Variants in CHST3 observed in about 807,000 individuals in gnomAD.
CHST3 encodes C6ST-1.
In CHST3, 20 loss-of-function variants were observed where a neutral mutation model predicts 35.4. The observed-to-expected ratio is 0.57, with a 90% confidence interval of 0.40 to 0.82. The LOEUF (loss-of-function observed/expected upper bound fraction) is 0.82, where lower values mean the gene tolerates loss of function less well. Ranked by LOEUF, CHST3 falls within the 40% of genes least tolerant of loss-of-function variation. CHST3 has a pLI of 0.00. For synonymous variants in CHST3, 334 were observed against 295.9 expected, an observed-to-expected ratio of 1.13 and a Z score of -1.32; for missense variants, 693 against 670.1, an observed-to-expected ratio of 1.03 and a Z score of -0.38.
chr10:72,000,624 G>A (rs1394989837), intron 1 of CHST3, among the ~76,000 whole-genome samples: 3 of 152,168 alleles, frequency 2.0e-5, no homozygotes, highest in Non-Finnish European at 2.9e-5. Flanking sequence ...GAGAAGAGGT[G>A]GGAAGGGTGA....
chr10:71,979,805 C>T (rs748907961), intron 1 of CHST3, among the ~76,000 whole-genome samples: 1 of 152,160 alleles, frequency 6.6e-6, no homozygotes, highest in African/African-American at 2.4e-5. Context: ...CAAATCACCA[C>T]CACTCCCACC....
chr10:72,004,775 C>A (rs570520820), intron 1 of CHST3, among the ~76,000 whole-genome samples: 12 of 152,218 alleles, frequency 7.9e-5, no homozygotes, highest in Admixed American at 2.0e-4. Flanking sequence ...TGATTTGTCA[C>A]CCCCCACCTT....
rs1375452738 is a variant in CHST3, at chr10:72,007,433, C to T, written c.402C>T (p.His134=). The part of the protein sequence containing the change: ...PRPAVAGPRR[H]VLLMATTRTG... The stretch of plus-strand genomic sequence containing the variant: ...CGGCCGTGGCGGGGCCCCGGCGCCA[C>T]GTGCTGCTCATGGCCACCACGCGCA... The change falls in exon 3 of 3, where the codon CAC becomes CAT. Residue 134 remains histidine (H), a synonymous_variant. Coordinates refer to ENST00000373115, the MANE Select transcript of CHST3 (RefSeq NM_004273.5). The T allele has an allele frequency of 2.5e-6, 4 of 1,603,652 alleles. No individual in the cohort carries two copies. Among genetic ancestry groups the T allele is most frequent in the Non-Finnish European group, 2.5e-6 (3 of 1,179,230 alleles).
chr10:71,996,316 A>T (rs1162410406), intron 1 of CHST3, among the ~76,000 whole-genome samples: 1 of 152,208 alleles, frequency 6.6e-6, no homozygotes, highest in Non-Finnish European at 1.5e-5. Flanking sequence ...AATAAGCAAA[A>T]GCAAGGAAAC....
chr10:71,975,312 G>A (rs896686688), intron 1 of CHST3, among the ~76,000 whole-genome samples: 3 of 152,294 alleles, frequency 2.0e-5, no homozygotes, highest in Non-Finnish European at 2.9e-5. Context: ...CTTGTCCAAG[G>A]CCACACAGCC....
chr10:72,007,361 A>G lies in CHST3; in HGVS notation c.330A>G (p.Ala110=), dbSNP rs1420929737. ...QLGVEPAMEA[A]GEEEEEQRKE... ...GCGTGGAGCCAGCCATGGAGGCCGC[A>G]GGGGAGGAAGAGGAAGAGCAGAGAA... is the stretch of plus-strand genomic sequence containing the variant. Residue 110 remains alanine, a synonymous_variant, in exon 3 of 3, where the codon GCA becomes GCG. Coordinates refer to ENST00000373115, the MANE Select transcript of CHST3 (RefSeq NM_004273.5). The G allele has an allele frequency of 1.9e-6, 3 of 1,606,916 alleles. No individual in the cohort carries two copies. The highest frequency in any genetic ancestry group is 1.7e-6 in the Non-Finnish European group (2 of 1,176,912).
chr10:71,976,638 C>G (rs1839748391), intron 1 of CHST3, among the ~76,000 whole-genome samples: 1 of 152,210 alleles, frequency 6.6e-6, no homozygotes, highest in South Asian at 2.1e-4. Flanking sequence ...TTCTGGGGAG[C>G]TGTCTTTGCT....
At chr10:72,006,200 C>A (rs1020825224) in intron 2 of CHST3, among the ~76,000 whole-genome samples, 1 of 152,122 alleles carries the variant, frequency 6.6e-6, no homozygotes, top group African/African-American at 2.4e-5. Flanking sequence ...GGGTTGGAGC[C>A]CCCCCATGTT....
chr10:71,994,222 G>A (rs1429882519), intron 1 of CHST3, among the ~76,000 whole-genome samples: 1 of 151,858 alleles, frequency 6.6e-6, no homozygotes, highest in Non-Finnish European at 1.5e-5. Context: ...CCATAATCAT[G>A]CTACTGCATT....
Position 72,008,364 on chromosome 10 carries a change from G to T in CHST3, c.1333G>T (p.Gly445Cys). The change falls in exon 3 of 3, where the codon GGC becomes TGC. Residue 445 changes from glycine to cysteine, a missense_variant. Gly to Cys is a radical substitution (Grantham distance 159). Coordinates refer to ENST00000373115, the MANE Select transcript of CHST3 (RefSeq NM_004273.5). ...GGCCCAGGTGGTGCAGGCCGCCTGC[G>T]GCCCTGCCATGCGCCTCTTCGGCTA... Reference protein sequence around the residue: ...KLAQVVQAACGPAMRLFGYKL... With the variant: ...KLAQVVQAACCPAMRLFGYKL... 6.4e-7 allele frequency: 1 copy of T among 1,566,254 alleles called. No homozygotes were observed. Among genetic ancestry groups the T allele is most frequent in the East Asian group, 2.4e-5 (1 of 42,266 alleles).
intron 1 of CHST3, among the ~76,000 whole-genome samples, chr10:71,977,730 C>T (rs1477846536): frequency 6.6e-6 from 1 of 151,986 alleles, no homozygotes; most frequent in Non-Finnish European, 1.5e-5. Flanking sequence ...AGTGCAGTGG[C>T]GTGATCTCAG....
At chr10:71,986,210 C>T (rs979326025) in intron 1 of CHST3, among the ~76,000 whole-genome samples, 4 of 152,206 alleles carry the variant, frequency 2.6e-5, no homozygotes, top group Non-Finnish European at 4.4e-5. Context: ...TCTGTAAGAG[C>T]GCCAGGGTAG....
chr10:71,985,644 G>T (rs1320703537), intron 1 of CHST3, among the ~76,000 whole-genome samples: 4 of 152,164 alleles, frequency 2.6e-5, no homozygotes, highest in African/African-American at 9.7e-5. Flanking sequence ...GCCTCCTGTT[G>T]TGGGAGCTAG....
chr10:71,985,884 C>T (rs1208506229), intron 1 of CHST3, among the ~76,000 whole-genome samples: 2 of 152,174 alleles, frequency 1.3e-5, no homozygotes, highest in Non-Finnish European at 2.9e-5. Flanking sequence ...CTCCTGCCCC[C>T]ACCCCTTCCT....
chr10:71,990,416 T>C (rs1220899879), intron 1 of CHST3, among the ~76,000 whole-genome samples: 1 of 151,624 alleles, frequency 6.6e-6, no homozygotes, highest in East Asian at 1.9e-4. Flanking sequence ...CAGGCTGGAG[T>C]GCAATGGTGT....
At chr10:71,978,137 T>G (rs934926076) in intron 1 of CHST3, among the ~76,000 whole-genome samples, 2 of 152,040 alleles carry the variant, frequency 1.3e-5, no homozygotes, top group Non-Finnish European at 2.9e-5. Context: ...TCCCAACACT[T>G]TGGGAGGCCA....
chr10:71,975,540 A>T (rs1049859558), intron 1 of CHST3, among the ~76,000 whole-genome samples: 4 of 152,260 alleles, frequency 2.6e-5, no homozygotes, highest in Non-Finnish European at 5.9e-5. Flanking sequence ...TTAGGAGAAC[A>T]TCCAGCTTCA....
chr10:71,967,166 A>G (rs1020149710), intron 1 of CHST3, among the ~76,000 whole-genome samples: 3 of 151,850 alleles, frequency 2.0e-5, no homozygotes, highest in Admixed American at 1.3e-4. Flanking sequence ...ATTTTTTTGT[A>G]TTTTTTGTAG....
intron 1 of CHST3, among the ~76,000 whole-genome samples, chr10:71,978,119 G>T (rs1042457764): frequency 2.6e-5 from 4 of 152,138 alleles, no homozygotes; most frequent in Non-Finnish European, 5.9e-5. Flanking sequence ...ACTGGCTTAT[G>T]CCTGTAATCC....
Sources: gnomAD v4.1 joint callset for allele counts (sites outside exome capture counted in the v4.1 genomes callset) on GRCh38, gnomAD v4.1.1 for gene constraint, MANE v1.5 for transcripts, NCBI Gene and HGNC (gene_info 2026-07-23, HGNC 2026-07-21) for gene names.